STK39: variants seen among roughly 807,000 people sequenced by gnomAD.
STK39 encodes the protein STE20/SPS1-related proline-alanine-rich protein kinase.
STK39 carries 20 observed loss-of-function variants against 77.8 expected under a neutral mutation model. The observed-to-expected ratio is 0.26, with a 90% CI of 0.18 to 0.37. The LOEUF (loss-of-function observed/expected upper bound fraction) is 0.37, where lower values mean the gene tolerates loss of function less well. Among genes scored for constraint, STK39 ranks in the 10% least tolerant of loss-of-function variants. The pLI is 1.00. For missense variants in STK39, 479 were observed against 656.5 expected, an observed-to-expected ratio of 0.73 and a Z score of 2.95; for synonymous variants, 246 against 234.1, an observed-to-expected ratio of 1.05 and a Z score of -0.47.
At chr2:168,072,438 C>T (rs746378910) in intron 12 of STK39, among the ~76,000 whole-genome samples, 9 of 152,160 alleles carry the variant, frequency 5.9e-5, no homozygotes, top group Non-Finnish European at 1.3e-4. Flanking sequence ...TACAACTTCC[C>T]ACCACACTCC....
chr2:168,102,892 T>C (rs1199835049), intron 10 of STK39, among the ~76,000 whole-genome samples: 1 of 127,836 alleles, frequency 7.8e-6, no homozygotes, highest in African/African-American at 3.1e-5. Context: ...ATTGCACCAC[T>C]GCACTCCAGC....
intron 16 of STK39, among the ~76,000 whole-genome samples, chr2:167,967,371 T>G (rs1574351608): frequency 6.6e-6 from 1 of 152,190 alleles, no homozygotes; most frequent in African/African-American, 2.4e-5. Flanking sequence ...CCTCAAGCCC[T>G]GTCACTAGGG....
In STK39 at chr2:168,145,603, A is replaced by G. The variant is rs74705250; in HGVS notation, c.629-4845T>C. On this transcript the variant is annotated intron_variant, in intron 5 of 17. Transcript: ENST00000355999. Reference sequence around the variant, plus strand: ...TCATTTTTAAAAAAATAGAAAAGCGATTTCTCCTGCCTAATTTAGTCCGCA... The same window carrying G: ...TCATTTTTAAAAAAATAGAAAAGCGGTTTCTCCTGCCTAATTTAGTCCGCA... Among the ~76,000 whole-genome samples the G allele has an allele frequency of 5.0e-3, 763 of 152,276 alleles. 9 individuals are homozygous for G. Among genetic ancestry groups the G allele is most frequent in the African/African-American group, 0.018 (730 of 41,562 alleles).
intron 14 of STK39, among the ~76,000 whole-genome samples, chr2:168,030,340 A>G (rs1684806386): frequency 6.6e-6 from 1 of 152,228 alleles, no homozygotes; most frequent in Admixed American, 6.5e-5. Flanking sequence ...TAATCAAGTG[A>G]GTTAGCCATA....
At chr2:168,058,733 T>C (rs994071299) in intron 14 of STK39, among the ~76,000 whole-genome samples, 3 of 152,356 alleles carry the variant, frequency 2.0e-5, no homozygotes, top group African/African-American at 7.2e-5. Context: ...CAATAATTGC[T>C]TACCACTTCC....
At chr2:168,026,889 G>A (rs1186807090) in intron 14 of STK39, among the ~76,000 whole-genome samples, 2 of 152,158 alleles carry the variant, frequency 1.3e-5, no homozygotes, top group Non-Finnish European at 2.9e-5. Flanking sequence ...AAGCTGAGGA[G>A]GGAAGATCAC....
chr2:168,182,885 T>C (rs1250031261), intron 1 of STK39, among the ~76,000 whole-genome samples: 4 of 152,160 alleles, frequency 2.6e-5, no homozygotes, highest in Admixed American at 2.6e-4. Context: ...TCTCATCACA[T>C]AAATCCTCTA....
chr2:167,975,063 A>G (rs1683239406), intron 16 of STK39, among the ~76,000 whole-genome samples: 2 of 152,216 alleles, frequency 1.3e-5, no homozygotes, highest in Admixed American at 1.3e-4. Flanking sequence ...CTGGTATTCA[A>G]AAGTTAATAT....
intron 1 of STK39, among the ~76,000 whole-genome samples, chr2:168,243,699 A>G (rs1392712526): frequency 6.6e-6 from 1 of 152,236 alleles, no homozygotes; most frequent in Non-Finnish European, 1.5e-5. Flanking sequence ...TTCAATGACT[A>G]CAATTCTTTG....
At chr2:168,018,451 C>A (rs1189949880) in intron 14 of STK39, among the ~76,000 whole-genome samples, 1 of 151,186 alleles carries the variant, frequency 6.6e-6, no homozygotes, top group African/African-American at 2.4e-5. Flanking sequence ...CAAAATCACA[C>A]CACTGCATTA....
intron 2 of STK39, among the ~76,000 whole-genome samples, chr2:168,175,798 A>G (rs1044273055): frequency 6.6e-6 from 1 of 152,214 alleles, no homozygotes; most frequent in Non-Finnish European, 1.5e-5. Context: ...GCTAAGTTGC[A>G]AGAAAAAGAT....
chr2:168,180,571 T>C (rs1454104416), intron 2 of STK39, among the ~76,000 whole-genome samples: 1 of 152,156 alleles, frequency 6.6e-6, no homozygotes, highest in Non-Finnish European at 1.5e-5. Flanking sequence ...TCTACTAAAG[T>C]GAAAACAAGT....
chr2:167,995,299 G>A (rs550416149), intron 16 of STK39, among the ~76,000 whole-genome samples: 25 of 152,034 alleles, frequency 1.6e-4, no homozygotes, highest in African/African-American at 2.9e-4. Flanking sequence ...TAGTAGAGAC[G>A]GGGTTTCACC....
At chr2:168,230,782 C>T (rs959710928) in intron 1 of STK39, among the ~76,000 whole-genome samples, 4 of 129,470 alleles carry the variant, frequency 3.1e-5, no homozygotes, top group East Asian at 3.0e-4. Context: ...TACACTCTCC[C>T]TATCAAGTCC....
intron 10 of STK39, among the ~76,000 whole-genome samples, chr2:168,110,435 G>A (rs1687092088): frequency 1.3e-5 from 2 of 151,858 alleles, no homozygotes; most frequent in South Asian, 2.1e-4. Context: ...ATGCGGTCTC[G>A]CTATGTTGCC....
At chr2:168,168,063 T>C (rs1357839186) in intron 2 of STK39, among the ~76,000 whole-genome samples, 2 of 152,130 alleles carry the variant, frequency 1.3e-5, no homozygotes, top group African/African-American at 2.4e-5. Flanking sequence ...CAGGGAATAT[T>C]AGTACTGTCA....
intron 8 of STK39, among the ~76,000 whole-genome samples, chr2:168,134,397 G>A (rs1227838256): frequency 1.3e-5 from 2 of 151,584 alleles, no homozygotes; most frequent in South Asian, 2.1e-4. Context: ...AGTTCCAACA[G>A]CCCTTTGACC....
At chr2:168,071,012 T>G (rs1337909689) in intron 12 of STK39, among the ~76,000 whole-genome samples, 1 of 152,174 alleles carries the variant, frequency 6.6e-6, no homozygotes, top group African/African-American at 2.4e-5. Flanking sequence ...CACTCTGGCC[T>G]TCTCAGTCTT....
intron 5 of STK39, among the ~76,000 whole-genome samples, chr2:168,153,148 T>G (rs1423729164): frequency 1.3e-5 from 2 of 152,214 alleles, no homozygotes; most frequent in Non-Finnish European, 2.9e-5. Flanking sequence ...CTCCTAACAT[T>G]AAAGAGTCAC....
Sources: gnomAD v4.1 joint callset for allele counts (sites outside exome capture counted in the v4.1 genomes callset) on GRCh38, gnomAD v4.1.1 for gene constraint, MANE v1.5 for transcripts, NCBI Gene and HGNC (gene_info 2026-07-23, HGNC 2026-07-21) for gene names.